The following RTTN variants were observed in gnomAD, a reference collection of about 807,000 sequenced individuals.
The protein encoded by RTTN is rotatin.
A neutral mutation model predicts 269.2 loss-of-function variants in RTTN; 182 were observed. That is an observed-to-expected ratio of 0.68 (90% CI 0.60 to 0.76). RTTN has a LOEUF of 0.76. Among genes scored for constraint, RTTN ranks in the 30% least tolerant of loss-of-function variants. The pLI is 0.00. For missense variants in RTTN, 2,545 were observed against 2,608.6 expected, an observed-to-expected ratio of 0.98 and a Z score of 0.53; for synonymous variants, 1,006 against 963.5, an observed-to-expected ratio of 1.04 and a Z score of -0.82.
intron 23 of RTTN, among the ~76,000 whole-genome samples, chr18:70,134,170 T>C (rs1362631177): frequency 6.6e-6 from 1 of 151,906 alleles, no homozygotes; most frequent in African/African-American, 2.4e-5. Context: ...AAAATATATA[T>C]TAGGAGAGAG....
At chr18:70,112,249 A>G (rs1256262485) in intron 27 of RTTN, among the ~76,000 whole-genome samples, 1 of 152,180 alleles carries the variant, frequency 6.6e-6, no homozygotes, top group East Asian at 1.9e-4. Context: ...TGCATCAACT[A>G]ATGGGCAAAA....
intron 14 of RTTN, among the ~76,000 whole-genome samples, chr18:70,154,381 C>A (rs1447578527): frequency 6.6e-6 from 1 of 152,000 alleles, no homozygotes; most frequent in Non-Finnish European, 1.5e-5. Context: ...TTCCTATCTG[C>A]AAAAATTTTT....
chr18:70,068,377 G>A (rs1242594998), intron 34 of RTTN, among the ~76,000 whole-genome samples: 1 of 152,172 alleles, frequency 6.6e-6, no homozygotes, highest in Non-Finnish European at 1.5e-5. Flanking sequence ...CAAGTTAAGG[G>A]ATTTGTCTGA....
Position 70,122,130 on chromosome 18 carries a change from A to T in RTTN, c.3384-430T>A, listed in dbSNP as rs200351485. Among the ~76,000 whole-genome samples, 50 of 152,198 alleles carry T rather than the reference A, an allele frequency of 3.3e-4. No homozygotes were observed. In the East Asian group the frequency reaches 8.5e-3, roughly 26 times the overall value. ...AAATAAGGTAATAAAGTGAGGGGGAAAAAAAGGCCTGCAAGGACGCTACTA... is the reference window on the plus strand; with the variant it reads ...AAATAAGGTAATAAAGTGAGGGGGATAAAAAGGCCTGCAAGGACGCTACTA... On this transcript the variant is annotated intron_variant, in intron 25 of 48. Transcript: ENST00000640769.
intron 36 of RTTN, among the ~76,000 whole-genome samples, chr18:70,058,052 AAGCAAAG>A (rs952457946): frequency 1.3e-5 from 2 of 152,224 alleles, no homozygotes; most frequent in Non-Finnish European, 2.9e-5. Flanking sequence ...GAAAAGTGAG[AAGCAAAG>A]AGCTGTGAAG....
Position 70,171,931 on chromosome 18 carries a change from A to AC in RTTN, c.1477-2865dup, listed in dbSNP as rs922330222. Among the ~76,000 whole-genome samples the AC allele has an allele frequency of 3.9e-5, 6 of 152,216 alleles. 1 individual carries two copies. The highest frequency in any genetic ancestry group is 1.4e-4 in the African/African-American group (6 of 41,458). On this transcript the variant is annotated intron_variant, in intron 11 of 48. Coordinates refer to ENST00000640769, the MANE Select transcript of RTTN (RefSeq NM_173630.4). Reference sequence around the variant, plus strand: ...TGCTCTCAGTCACTCAACTGGCTTCACCAGGTCATTAGATCTTTTTATATA... The same window carrying AC: ...TGCTCTCAGTCACTCAACTGGCTTCACCCAGGTCATTAGATCTTTTTATATA...
intron 28 of RTTN, among the ~76,000 whole-genome samples, chr18:70,105,742 A>T (rs2059304724): frequency 6.6e-6 from 1 of 152,160 alleles, no homozygotes; most frequent in Non-Finnish European, 1.5e-5. Context: ...GTGCTTTTGG[A>T]AAAAAGTTCT....
intron 32 of RTTN, among the ~76,000 whole-genome samples, chr18:70,076,457 G>A (rs1243570008): frequency 6.6e-6 from 1 of 151,992 alleles, no homozygotes; most frequent in Non-Finnish European, 1.5e-5. Flanking sequence ...ACCAAAAGAA[G>A]ATGGATATTT....
intron 32 of RTTN, 67 bp downstream of exon 32, chr18:70,086,546 T>C (rs2058702400): frequency 8.5e-7 from 1 of 1,177,010 alleles, no homozygotes. Flanking sequence ...ATACTACTTA[T>C]ACTGAAAATT....
chr18:70,135,139 G>T, intron 22 of RTTN, 45 bp downstream of exon 22: 1 of 1,083,990 alleles, frequency 9.2e-7, no homozygotes, highest in South Asian at 1.4e-5. Flanking sequence ...AGATACCTGA[G>T]ATAAATAGTT....
At chr18:70,065,592 C>T (rs560406379) in intron 35 of RTTN, among the ~76,000 whole-genome samples, 5 of 152,216 alleles carry the variant, frequency 3.3e-5, no homozygotes, top group African/African-American at 7.2e-5. Flanking sequence ...TACCTACGAG[C>T]GCCTAATAAG....
chr18:70,205,171 G>T lies in RTTN; in HGVS notation c.176C>A (p.Pro59Gln). Residue 59 changes from proline to glutamine, a missense_variant, in exon 2 of 49, where the codon CCG becomes CAG. By Grantham distance (76) the Pro-to-Gln change is moderately conservative. Coordinates refer to ENST00000640769, the MANE Select transcript of RTTN (RefSeq NM_173630.4). ...CAGGTTCAGAACCTCTTCCTTCATC[G>T]GAACGGACGGGAAATTGAACCATTC... is the stretch of plus-strand genomic sequence containing the variant. ...LLEWFNFPSV[P>Q]MKEEVLNLLS... 6.2e-7 allele frequency: 1 copy of T among 1,614,074 alleles called. No individual in the cohort carries two copies. Among genetic ancestry groups the T allele is most frequent in the Non-Finnish European group, 8.5e-7 (1 of 1,180,028 alleles).
chr18:70,063,874 T>C (rs533616831), intron 35 of RTTN, among the ~76,000 whole-genome samples: 1 of 152,024 alleles, frequency 6.6e-6, no homozygotes, highest in African/African-American at 2.4e-5. Context: ...AAAAGGAATA[T>C]ACCTGATAGT....
intron 46 of RTTN, among the ~76,000 whole-genome samples, chr18:70,016,283 A>G (rs2056534692): frequency 6.6e-6 from 1 of 152,240 alleles, no homozygotes; most frequent in Non-Finnish European, 1.5e-5. Flanking sequence ...CTTCTGAGAA[A>G]AGTTTAAGTG....
intron 26 of RTTN, among the ~76,000 whole-genome samples, chr18:70,117,814 A>C (rs1963514298): frequency 6.6e-6 from 1 of 152,032 alleles, no homozygotes; most frequent in African/African-American, 2.4e-5. Context: ...AAAAACTAGA[A>C]GTCACCAAAA....
chr18:70,163,600 G>A (rs1040647118), intron 14 of RTTN, among the ~76,000 whole-genome samples: 8 of 152,210 alleles, frequency 5.3e-5, no homozygotes, highest in Middle Eastern at 3.4e-3. Context: ...GCCTATCAAC[G>A]GATGAATAAA....
At chr18:70,193,168 T>G in intron 8 of RTTN, 120 bp downstream of exon 8, 1 of 958,954 alleles carries the variant, frequency 1.0e-6, no homozygotes, top group Non-Finnish European at 1.5e-6. Context: ...ATACCTGTGT[T>G]AATGTTTCAA....
At chr18:70,062,058 T>C (rs369078766) in intron 35 of RTTN, among the ~76,000 whole-genome samples, 9 of 152,164 alleles carry the variant, frequency 5.9e-5, no homozygotes, top group African/African-American at 1.9e-4. Flanking sequence ...CTGCAAAAAA[T>C]AAAACTAGTA....
At chr18:70,121,492 T>A in intron 26 of RTTN, 64 bp downstream of exon 26, 1 of 1,305,918 alleles carries the variant, frequency 7.7e-7, no homozygotes, top group South Asian at 1.5e-5. Flanking sequence ...TAATATAATG[T>A]TAATGATTTC....
Sources: allele counts gnomAD v4.1 joint callset (sites outside exome capture counted in the v4.1 genomes callset), GRCh38; gene constraint gnomAD v4.1.1; transcripts MANE v1.5; gene names NCBI Gene and HGNC (gene_info 2026-07-23, HGNC 2026-07-21).